Variants in TMEM178B observed in about 807,000 individuals in gnomAD.
TMEM178B encodes transmembrane protein 178B.
TMEM178B carries 5 observed loss-of-function variants against 31.0 expected under a neutral mutation model. That is an observed-to-expected ratio of 0.16 (90% CI 0.08 to 0.34). The LOEUF (loss-of-function observed/expected upper bound fraction) is 0.34, where lower values mean the gene tolerates loss of function less well. Ranked by LOEUF, TMEM178B falls within the 10% of genes least tolerant of loss-of-function variation. TMEM178B has a pLI of 1.00. For missense variants in TMEM178B, 275 were observed against 400.3 expected, an observed-to-expected ratio of 0.69 and a Z score of 2.67; for synonymous variants, 164 against 164.0, an observed-to-expected ratio of 1.00 and a Z score of 0.00.
intron 3 of TMEM178B, among the ~76,000 whole-genome samples, chr7:141,463,614 G>C (rs1230862138): frequency 6.6e-6 from 1 of 152,246 alleles, no homozygotes. Context: ...AACCACTGGG[G>C]GAGATGCTAC....
intron 2 of TMEM178B, among the ~76,000 whole-genome samples, chr7:141,324,623 T>G (rs1157498078): frequency 6.6e-6 from 1 of 151,702 alleles, no homozygotes; most frequent in African/African-American, 2.4e-5. Flanking sequence ...CTCTTCTCAT[T>G]TAAAGCACAG....
chr7:141,301,387 A>G (rs1278314652), intron 2 of TMEM178B, among the ~76,000 whole-genome samples: 3 of 152,066 alleles, frequency 2.0e-5, no homozygotes, highest in Non-Finnish European at 4.4e-5. Flanking sequence ...TTGAATAGGG[A>G]CTTATTTTTC....
At chr7:141,399,090 A>G (rs1800708011) in intron 2 of TMEM178B, among the ~76,000 whole-genome samples, 11 of 152,160 alleles carry the variant, frequency 7.2e-5, no homozygotes, top group Admixed American at 7.2e-4. Context: ...TTAATTTTGG[A>G]AAGATTTCAT....
chr7:141,226,875 GAA>G (rs964718332), intron 2 of TMEM178B, among the ~76,000 whole-genome samples: 10 of 15,348 alleles, frequency 6.5e-4, no homozygotes, highest in East Asian at 1.6e-3. Flanking sequence ...AAAAAAAAAA[GAA>G]AAAGAAAAAA....
intron 1 of TMEM178B, among the ~76,000 whole-genome samples, chr7:141,159,281 G>T (rs1178528962): frequency 6.6e-6 from 1 of 152,160 alleles, no homozygotes; most frequent in Non-Finnish European, 1.5e-5. Flanking sequence ...CAGAGGGATG[G>T]TTTAAAAATC....
At chr7:141,403,368 A>G (rs1338954613) in intron 2 of TMEM178B, among the ~76,000 whole-genome samples, 2 of 152,152 alleles carry the variant, frequency 1.3e-5, no homozygotes, top group African/African-American at 4.8e-5. Context: ...CTGGTTTATG[A>G]TTTAATCTGA....
chr7:141,142,687 G>A (rs1481966251), intron 1 of TMEM178B, among the ~76,000 whole-genome samples: 1 of 152,188 alleles, frequency 6.6e-6, no homozygotes, highest in East Asian at 1.9e-4. Context: ...GATTACAGGC[G>A]TGAGCCACCA....
chr7:141,345,387 A>G (rs1015551110), intron 2 of TMEM178B, among the ~76,000 whole-genome samples: 1 of 152,202 alleles, frequency 6.6e-6, no homozygotes, highest in African/African-American at 2.4e-5. Context: ...GATTTTTCAG[A>G]GAGTTTCTGG....
At position 141,321,443 on chromosome 7, in the gene TMEM178B, A is replaced by G. The variant is rs991925896; in HGVS notation, c.496+108739A>G. 2.6e-5 allele frequency among the ~76,000 whole-genome samples: 4 copies of G among 152,208 alleles called. No individual in the cohort carries two copies. In the East Asian group the frequency reaches 5.8e-4, roughly 22 times the overall value. On this transcript the variant is annotated intron_variant, in intron 2 of 3. Transcript: ENST00000565468. ...ACACTGTGCTGGTCACTGGAGTCCA[A>G]TGAATGAAACTAGACTTCTCAAGGA...
intron 2 of TMEM178B, among the ~76,000 whole-genome samples, chr7:141,383,168 T>C (rs1024949508): frequency 3.9e-5 from 6 of 152,150 alleles, no homozygotes; most frequent in South Asian, 2.1e-4. Context: ...TTCTTTCTTT[T>C]TTTTTAAAGT....
At chr7:141,177,302 T>C (rs1393172937) in intron 1 of TMEM178B, among the ~76,000 whole-genome samples, 1 of 152,252 alleles carries the variant, frequency 6.6e-6, no homozygotes, top group African/African-American at 2.4e-5. Flanking sequence ...CACTGTGGTC[T>C]GAGAGACTGT....
intron 2 of TMEM178B, among the ~76,000 whole-genome samples, chr7:141,269,711 C>T (rs6970653): frequency 0.43 from 65,603 of 151,996 alleles, 14,396 homozygotes; most frequent in East Asian, 0.67. Context: ...CCCTAGATAT[C>T]GATGACTTTA....
At chr7:141,097,365 C>CAAAAA (rs10718738) in intron 1 of TMEM178B, among the ~76,000 whole-genome samples, 8 of 85,298 alleles carry the variant, frequency 9.4e-5, no homozygotes, top group Admixed American at 3.1e-4. Flanking sequence ...GACTCCGTCT[C>CAAAAA]AAAAAAAAAA....
At chr7:141,339,520 T>C (rs1433317763) in intron 2 of TMEM178B, among the ~76,000 whole-genome samples, 3 of 152,098 alleles carry the variant, frequency 2.0e-5, no homozygotes, top group South Asian at 2.1e-4. Context: ...AAAGATCTGC[T>C]AAAAGGGATG....
rs190325907 is a variant in TMEM178B at position 141,411,958 on chromosome 7, G to A, written c.497-25650G>A. Reference sequence around the variant, plus strand: ...AGGGAATGAAGGGTGCAGGGAAACCGTATTCTCCCTGGGTCCCAGGGCTTC... The same window carrying A: ...AGGGAATGAAGGGTGCAGGGAAACCATATTCTCCCTGGGTCCCAGGGCTTC... On this transcript the variant is annotated intron_variant, in intron 2 of 3. Transcript: ENST00000565468. Among the ~76,000 whole-genome samples the A allele has an allele frequency of 3.3e-4, 51 of 152,280 alleles. No individual in the cohort carries two copies. In the East Asian group the frequency reaches 3.5e-3, roughly 10 times the overall value.
At chr7:141,441,726 G>A (rs1411054066) in intron 3 of TMEM178B, among the ~76,000 whole-genome samples, 1 of 152,172 alleles carries the variant, frequency 6.6e-6, no homozygotes, top group Non-Finnish European at 1.5e-5. Context: ...AGGCCAACAT[G>A]AAAATGGAAG....
At chr7:141,311,296 C>A (rs551970472) in intron 2 of TMEM178B, among the ~76,000 whole-genome samples, 1 of 152,202 alleles carries the variant, frequency 6.6e-6, no homozygotes, top group South Asian at 2.1e-4. Context: ...TATCCTGGAA[C>A]CTAAAATAAA....
chr7:141,399,611 T>C (rs1371787217), intron 2 of TMEM178B, among the ~76,000 whole-genome samples: 1 of 152,192 alleles, frequency 6.6e-6, no homozygotes, highest in East Asian at 1.9e-4. Context: ...CACCTCTGGG[T>C]CTTTGCAGAA....
At chr7:141,185,701 CG>C (rs1161181034) in intron 1 of TMEM178B, among the ~76,000 whole-genome samples, 1 of 152,006 alleles carries the variant, frequency 6.6e-6, no homozygotes, top group Non-Finnish European at 1.5e-5. Flanking sequence ...AGGCCAGGGT[CG>C]TCTTGGAAAA....
Sources: gnomAD v4.1 joint callset for allele counts (sites outside exome capture counted in the v4.1 genomes callset) on GRCh38, gnomAD v4.1.1 for gene constraint, MANE v1.5 for transcripts, NCBI Gene and HGNC (gene_info 2026-07-23, HGNC 2026-07-21) for gene names.